HLCS: variants seen among roughly 807,000 people sequenced by gnomAD.
The protein encoded by HLCS is holocarboxylase synthetase.
In HLCS, 53 loss-of-function variants were observed where a neutral mutation model predicts 75.0. That is an observed-to-expected ratio of 0.71 (90% CI 0.57 to 0.89). The LOEUF (loss-of-function observed/expected upper bound fraction) is 0.89, where lower values mean the gene tolerates loss of function less well. HLCS is among the 40% of genes least tolerant of loss of function. The pLI is 0.00. For missense variants in HLCS, 966 were observed against 1,074.0 expected, an observed-to-expected ratio of 0.90 and a Z score of 1.41; for synonymous variants, 431 against 428.6, an observed-to-expected ratio of 1.01 and a Z score of -0.07.
At chr21:36,869,293 C>G (rs1204965184) in intron 6 of HLCS, among the ~76,000 whole-genome samples, 1 of 151,880 alleles carries the variant, frequency 6.6e-6, no homozygotes, top group Non-Finnish European at 1.5e-5. Flanking sequence ...CCCGGCTAAT[C>G]TTCTAATCTT....
chr21:36,782,978 G>A (rs927933255), intron 6 of HLCS, among the ~76,000 whole-genome samples: 4 of 151,914 alleles, frequency 2.6e-5, no homozygotes, highest in South Asian at 4.2e-4. Context: ...CTCTGTCTCC[G>A]AAAAAAACCA....
intron 5 of HLCS, among the ~76,000 whole-genome samples, chr21:36,905,794 G>T (rs2065423855): frequency 1.3e-5 from 2 of 152,142 alleles, no homozygotes; most frequent in East Asian, 3.9e-4. Flanking sequence ...GCTCACGTCT[G>T]TAATCCCAGC....
chr21:36,955,701 A>G (rs779717985), intron 2 of HLCS, among the ~76,000 whole-genome samples: 1 of 152,240 alleles, frequency 6.6e-6, no homozygotes, highest in Non-Finnish European at 1.5e-5. Flanking sequence ...GCCTAAGTGT[A>G]CAGTGTTTAT....
chr21:36,834,388 A>T (rs1178596293), intron 6 of HLCS, among the ~76,000 whole-genome samples: 5 of 152,192 alleles, frequency 3.3e-5, no homozygotes, highest in Non-Finnish European at 7.3e-5. Context: ...AGCATGTCCA[A>T]GTGTGACCAA....
rs368825860 is a variant in HLCS, at chr21:36,776,123, C to T, written c.1893-8838G>A. Among the ~76,000 whole-genome samples the T allele has an allele frequency of 7.9e-5, 12 of 152,248 alleles. No homozygotes were observed. The East Asian group carries it at 1.2e-3, about 15-fold the overall frequency. ...GTCTATAATACTTTTTTCTTTTTAA[C>T]CTTTTACTTCGAAATAATATCAGAC... is the stretch of plus-strand genomic sequence containing the variant. On this transcript the variant is annotated intron_variant, in intron 6 of 10. Coordinates refer to ENST00000674895, the MANE Select transcript of HLCS (RefSeq NM_001352514.2).
intron 6 of HLCS, among the ~76,000 whole-genome samples, chr21:36,881,376 CA>C (rs1327210917): frequency 1.3e-5 from 2 of 152,312 alleles, no homozygotes; most frequent in East Asian, 3.9e-4. Flanking sequence ...CTTTGTCTAA[CA>C]GGGGCATGGA....
intron 6 of HLCS, among the ~76,000 whole-genome samples, chr21:36,792,815 C>T (rs370287823): frequency 2.0e-5 from 3 of 152,160 alleles, no homozygotes; most frequent in East Asian, 3.9e-4. Flanking sequence ...GGGGCAAGAA[C>T]GAGAGGATGC....
chr21:36,855,976 ATG>A (rs1220265174), intron 6 of HLCS, among the ~76,000 whole-genome samples: 1 of 152,144 alleles, frequency 6.6e-6, no homozygotes, highest in Non-Finnish European at 1.5e-5. Flanking sequence ...GAAAGGCCGC[ATG>A]TTATATGATT....
intron 2 of HLCS, among the ~76,000 whole-genome samples, chr21:36,955,301 T>C (rs2067881586): frequency 6.6e-6 from 1 of 152,062 alleles, no homozygotes; most frequent in African/African-American, 2.4e-5. Flanking sequence ...GTTTAAAAAG[T>C]AAGAAACAGG....
intron 6 of HLCS, among the ~76,000 whole-genome samples, chr21:36,767,790 TA>T: frequency 6.6e-6 from 1 of 152,316 alleles, no homozygotes. Context: ...AAAGACACAC[TA>T]TCCCCTGAGA....
chr21:36,807,168 G>A (rs114732475), intron 6 of HLCS, among the ~76,000 whole-genome samples: 11 of 152,134 alleles, frequency 7.2e-5, no homozygotes, highest in African/African-American at 1.9e-4. Context: ...CAGTAGGTCC[G>A]ACCCACCTGC....
At chr21:36,857,430 G>C (rs2063233396) in intron 6 of HLCS, among the ~76,000 whole-genome samples, 6 of 152,200 alleles carry the variant, frequency 3.9e-5, no homozygotes, top group Admixed American at 3.9e-4. Flanking sequence ...CTCCTCACTA[G>C]TCCTATTCCG....
At chr21:36,759,282 C>T (rs1267691149) in intron 9 of HLCS, 3 of 456,592 alleles carry the variant, frequency 6.6e-6, no homozygotes, top group East Asian at 1.4e-4. Flanking sequence ...TTCTTTACCC[C>T]GCCTTGACCA....
At position 36,767,296 on chromosome 21, in the gene HLCS, G is replaced by C. The variant is rs1280409721; in HGVS notation, c.1893-11C>G. On this transcript the variant is annotated splice_polypyrimidine_tract_variant and intron_variant, in intron 6 of 10. Transcript: ENST00000674895. ...GTCTGAAACATCAGCCTGCCGAAGA[G>C]GGGGAAAGACCGGTTAGGCCAGACA... 1.2e-6 allele frequency: 2 copies of C among 1,614,014 alleles called. No individual in the cohort carries two copies. Among genetic ancestry groups the C allele is most frequent in the Admixed American group, 1.7e-5 (1 of 60,014 alleles).
chr21:36,985,175 T>C (rs546776372), intron 1 of HLCS, among the ~76,000 whole-genome samples: 22 of 152,364 alleles, frequency 1.4e-4, no homozygotes, highest in Admixed American at 3.3e-4. Context: ...CATCCAATGC[T>C]AATAACTGCT....
chr21:36,771,259 T>G (rs985999696), intron 6 of HLCS, among the ~76,000 whole-genome samples: 12 of 151,418 alleles, frequency 7.9e-5, no homozygotes, highest in South Asian at 2.1e-4. Context: ...TAAAATAAAA[T>G]AAAAAGAAAC....
Position 36,752,457 on chromosome 21 carries a change from A to T in HLCS, c.*1789T>A, listed in dbSNP as rs1297439721. The T allele has an allele frequency of 6.6e-6, 1 of 152,594 alleles. No homozygotes were observed. The highest frequency in any genetic ancestry group is 1.5e-5 in the Non-Finnish European group (1 of 68,050). 9.5% of individuals were successfully genotyped at this position (152,594 alleles called of 1,614,324 possible). ...AGAGAGGGCTTGCCTTATATTACAA[A>T]GTCTGAGAAATGAAACCTACATCGT... is the stretch of plus-strand genomic sequence containing the variant. On this transcript the variant is annotated 3_prime_UTR_variant, in exon 11 of 11. Coordinates refer to ENST00000674895, the MANE Select transcript of HLCS (RefSeq NM_001352514.2).
chr21:36,888,435 AAAAAAAAAAAATATATAT>A (rs2064570830), intron 6 of HLCS, among the ~76,000 whole-genome samples: 1 of 24,906 alleles, frequency 4.0e-5, no homozygotes, highest in African/African-American at 1.1e-4. Context: ...TCCCATTTAA[AAAAAAAAAAAATATATAT>A]ATATATATAT....
At chr21:36,880,092 G>C (rs1356449447) in intron 6 of HLCS, among the ~76,000 whole-genome samples, 1 of 152,158 alleles carries the variant, frequency 6.6e-6, no homozygotes, top group African/African-American at 2.4e-5. Flanking sequence ...AGGTTCAGTA[G>C]AAGTCAAATC....
Sources: allele counts gnomAD v4.1 joint callset (sites outside exome capture counted in the v4.1 genomes callset), GRCh38; gene constraint gnomAD v4.1.1; transcripts MANE v1.5; gene names NCBI Gene and HGNC (gene_info 2026-07-23, HGNC 2026-07-21).